The following STAC variants were observed in gnomAD, a reference collection of about 807,000 sequenced individuals.
The protein encoded by STAC is SH3 and cysteine rich domain.
Under a neutral mutation model 48.8 loss-of-function variants are expected in STAC, and 43 were observed. The ratio of observed to expected loss-of-function variants is 0.88; its 90% CI spans 0.69 to 1.14. The LOEUF (loss-of-function observed/expected upper bound fraction) is 1.14, where lower values mean the gene tolerates loss of function less well. STAC is among the 50% of genes most tolerant of loss of function. The pLI is 0.00. For missense variants in STAC, 497 were observed against 504.0 expected, an observed-to-expected ratio of 0.99 and a Z score of 0.13; for synonymous variants, 193 against 179.5, an observed-to-expected ratio of 1.07 and a Z score of -0.60.
chr3:36,460,818 A>G (rs916965130), intron 2 of STAC, among the ~76,000 whole-genome samples: 3 of 152,236 alleles, frequency 2.0e-5, no homozygotes, highest in African/African-American at 4.8e-5. Context: ...TGCAATCCCT[A>G]TCAAAATTTT....
intron 8 of STAC, 33 bp from the exon 9 acceptor site, chr3:36,528,663 T>C (rs1262535996): frequency 8.5e-6 from 13 of 1,537,832 alleles, no homozygotes; most frequent in Non-Finnish European, 1.1e-5. Flanking sequence ...TCTTTTTTTT[T>C]CCTTTACCTA....
intron 8 of STAC, among the ~76,000 whole-genome samples, chr3:36,525,765 C>T (rs561664687): frequency 1.2e-4 from 18 of 151,832 alleles, no homozygotes; most frequent in African/African-American, 4.3e-4. Context: ...TTTCAGCCAC[C>T]TCGCTTTCTG....
intron 1 of STAC, among the ~76,000 whole-genome samples, chr3:36,384,142 A>C (rs1404426734): frequency 6.6e-6 from 1 of 152,142 alleles, no homozygotes; most frequent in African/African-American, 2.4e-5. Flanking sequence ...TATAAACAAA[A>C]ATTTCATGTC....
chr3:36,386,529 A>G (rs1173889392), intron 1 of STAC, among the ~76,000 whole-genome samples: 3 of 151,866 alleles, frequency 2.0e-5, no homozygotes, highest in South Asian at 4.2e-4. Context: ...ATCTTTGCCT[A>G]TTCCAAAGTC....
chr3:36,505,564 C>T (rs73067887), intron 7 of STAC, among the ~76,000 whole-genome samples, 182 bp from the exon 8 acceptor site: 16,838 of 152,082 alleles, frequency 0.11, 1,153 homozygotes, highest in East Asian at 0.29. Flanking sequence ...AAACCAACCT[C>T]GGTTAAGAAA....
chr3:36,380,771 C>T lies in STAC; in HGVS notation c.111+17C>T. On this transcript the variant is annotated intron_variant, in intron 1 of 10. Coordinates refer to ENST00000273183, the MANE Select transcript of STAC (RefSeq NM_003149.3). ...GAATCCAAGGTACCGAGCACGCTTG[C>T]CCCCAAGAGAACACAAACTCACTCT... is the stretch of plus-strand genomic sequence containing the variant. 7.6e-6 allele frequency: 12 copies of T among 1,586,374 alleles called. No individual in the cohort carries two copies. Among genetic ancestry groups the T allele is most frequent in the Non-Finnish European group, 1.0e-5 (12 of 1,160,436 alleles).
chr3:36,412,869 G>C (rs931339614), intron 1 of STAC, among the ~76,000 whole-genome samples: 2 of 152,082 alleles, frequency 1.3e-5, no homozygotes, highest in African/African-American at 4.8e-5. Context: ...TTTCTAAATA[G>C]ACTTAATCCA....
chr3:36,438,210 C>T (rs1041647051), intron 1 of STAC, among the ~76,000 whole-genome samples: 8 of 152,116 alleles, frequency 5.3e-5, no homozygotes, highest in African/African-American at 1.4e-4. Context: ...GGATGACAGG[C>T]GTGAGCCACC....
intron 10 of STAC, among the ~76,000 whole-genome samples, chr3:36,538,194 C>G (rs190812593): frequency 1.7e-3 from 252 of 152,140 alleles, no homozygotes; most frequent in African/African-American, 5.7e-3. Flanking sequence ...AAATGTTTAT[C>G]AAAACACAGG....
chr3:36,497,489 C>T (rs999345116), intron 6 of STAC, among the ~76,000 whole-genome samples: 3 of 152,126 alleles, frequency 2.0e-5, no homozygotes, highest in Non-Finnish European at 4.4e-5. Context: ...CTATGCACAT[C>T]CCTAGAGCCT....
intron 8 of STAC, among the ~76,000 whole-genome samples, chr3:36,514,621 T>C (rs1281147092): frequency 1.3e-5 from 2 of 152,186 alleles, no homozygotes; most frequent in African/African-American, 2.4e-5. Context: ...TCTTGAAACA[T>C]AGTAGATGCA....
At chr3:36,488,575 C>G (rs1697879452) in intron 5 of STAC, among the ~76,000 whole-genome samples, 1 of 151,596 alleles carries the variant, frequency 6.6e-6, no homozygotes, top group Admixed American at 6.6e-5. Context: ...ATTGATGACT[C>G]CCTTAGGTAT....
At chr3:36,482,310 T>C (rs1210214628) in intron 2 of STAC, among the ~76,000 whole-genome samples, 1 of 152,332 alleles carries the variant, frequency 6.6e-6, no homozygotes, top group African/African-American at 2.4e-5. Context: ...TCTCCAGTGC[T>C]CCTGCCTTGG....
chr3:36,546,348 C>T lies in STAC; in HGVS notation c.*59C>T. ...CTCTGCTGCGATGCCTCTGCCTCAT[C>T]TCACACTGCGTCAACCCAAAGGAGC... On this transcript the variant is annotated 3_prime_UTR_variant, in exon 11 of 11. Coordinates refer to ENST00000273183, the MANE Select transcript of STAC (RefSeq NM_003149.3). 6.8e-7 allele frequency: 1 copy of T among 1,467,036 alleles called. No homozygotes were observed. Among genetic ancestry groups the T allele is most frequent in the South Asian group, 1.1e-5 (1 of 88,080 alleles). The allele number at this position is 1,467,036 out of a possible 1,614,324, so 90.9% of individuals were successfully genotyped here.
intron 1 of STAC, among the ~76,000 whole-genome samples, chr3:36,415,870 T>C (rs1238344558): frequency 2.0e-5 from 3 of 152,186 alleles, no homozygotes; most frequent in Admixed American, 2.0e-4. Flanking sequence ...CACTCACCCA[T>C]CTGTTTCGGA....
chr3:36,398,496 G>C lies in STAC; in HGVS notation c.111+17742G>C, dbSNP rs564723306. ...GGAAGGAGGGAAGGAAGAAAGGAAG[G>C]AGGGAAGGAAGAGAAAAAGAAAGAG... On this transcript the variant is annotated intron_variant, in intron 1 of 10. Coordinates refer to ENST00000273183, the MANE Select transcript of STAC (RefSeq NM_003149.3). Among the ~76,000 whole-genome samples, 48 of 86,390 alleles carry C rather than the reference G, an allele frequency of 5.6e-4. 3 individuals carry two copies. Among genetic ancestry groups the C allele is most frequent in the Non-Finnish European group, 8.8e-4 (36 of 41,116 alleles). The allele number at this position is 86,390 out of a possible 152,430, so 56.7% of individuals were successfully genotyped here.
intron 1 of STAC, among the ~76,000 whole-genome samples, chr3:36,416,594 T>A (rs1208804367): frequency 6.6e-6 from 1 of 152,254 alleles, no homozygotes; most frequent in Non-Finnish European, 1.5e-5. Context: ...GTATTTTTTA[T>A]GCCCATCATC....
chr3:36,479,335 T>C (rs780749505), intron 2 of STAC, among the ~76,000 whole-genome samples: 1 of 152,158 alleles, frequency 6.6e-6, no homozygotes. Context: ...TACTGAGAAA[T>C]TCAATCTTCC....
At chr3:36,538,088 CAACATA>C (rs1354922266) in intron 10 of STAC, among the ~76,000 whole-genome samples, 3 of 151,916 alleles carry the variant, frequency 2.0e-5, no homozygotes, top group Non-Finnish European at 4.4e-5. Flanking sequence ...AAATTATTAC[CAACATA>C]AACACTGGCA....
Sources: allele counts gnomAD v4.1 joint callset (sites outside exome capture counted in the v4.1 genomes callset), GRCh38; gene constraint gnomAD v4.1.1; transcripts MANE v1.5; gene names NCBI Gene and HGNC (gene_info 2026-07-23, HGNC 2026-07-21).